The following KCNK13 variants were observed in gnomAD, a reference collection of about 807,000 sequenced individuals.
The protein encoded by KCNK13 is potassium two pore domain channel subfamily K member 13.
Under a neutral mutation model 23.4 loss-of-function variants are expected in KCNK13, and 12 were observed. The ratio of observed to expected loss-of-function variants is 0.51; its 90% confidence interval spans 0.33 to 0.83. The LOEUF (loss-of-function observed/expected upper bound fraction) is 0.83, where lower values mean the gene tolerates loss of function less well. Among genes scored for constraint, KCNK13 ranks in the 40% least tolerant of loss-of-function variants. The pLI is 0.02. For synonymous variants in KCNK13, 231 were observed against 229.5 expected (o/e 1.01, Z -0.06); for missense variants, 463 against 556.3 (o/e 0.83, Z 1.69).
In KCNK13 at chr14:90,150,058, A is replaced by G. The variant is rs140999030; in HGVS notation, c.335-34053A>G. ...GTGTGTACATGTTGCTCACATAAAG[A>G]TACATAAGCGCTCAGAAGAGGGACC... On this transcript the variant is annotated intron_variant, in intron 1 of 1. Transcript: ENST00000282146. Among the ~76,000 whole-genome samples the G allele has an allele frequency of 6.3e-4, 96 of 152,242 alleles. 1 individual carries two copies. Among genetic ancestry groups the G allele is most frequent in the African/African-American group, 2.1e-3 (86 of 41,546 alleles).
chr14:90,085,795 T>TAG (rs1566948863), intron 1 of KCNK13, among the ~76,000 whole-genome samples: 2 of 121,160 alleles, frequency 1.7e-5, no homozygotes, highest in Non-Finnish European at 3.3e-5. Flanking sequence ...ATTATATACT[T>TAG]TATATTATAT....
chr14:90,122,904 T>C (rs1325827544), intron 1 of KCNK13, among the ~76,000 whole-genome samples: 1 of 152,190 alleles, frequency 6.6e-6, no homozygotes, highest in African/African-American at 2.4e-5. Flanking sequence ...TGGGTAGATT[T>C]CCCAGCACGG....
chr14:90,092,391 G>A (rs573070291), intron 1 of KCNK13, among the ~76,000 whole-genome samples: 1 of 152,316 alleles, frequency 6.6e-6, no homozygotes, highest in South Asian at 2.1e-4. Context: ...TCCATGAAAA[G>A]AGGAGAGGCT....
chr14:90,153,678 C>A (rs1819976905), intron 1 of KCNK13, among the ~76,000 whole-genome samples: 1 of 152,086 alleles, frequency 6.6e-6, no homozygotes, highest in Non-Finnish European at 1.5e-5. Flanking sequence ...TATGGAAAGC[C>A]CTTGATCTAA....
At chr14:90,130,357 G>A (rs1034764134) in intron 1 of KCNK13, among the ~76,000 whole-genome samples, 8 of 151,516 alleles carry the variant, frequency 5.3e-5, no homozygotes, top group Non-Finnish European at 8.8e-5. Flanking sequence ...GCACCACCAC[G>A]CCCGGCTAAT....
chr14:90,151,781 C>A (rs1890136421), intron 1 of KCNK13, among the ~76,000 whole-genome samples: 2 of 152,112 alleles, frequency 1.3e-5, no homozygotes, highest in Admixed American at 6.5e-5. Flanking sequence ...AAGTCTTCAA[C>A]CCATTTTGAG....
intron 1 of KCNK13, among the ~76,000 whole-genome samples, chr14:90,129,384 G>C (rs2140421733): frequency 6.6e-6 from 1 of 152,254 alleles, no homozygotes; most frequent in African/African-American, 2.4e-5. Context: ...ACAAGTGTGA[G>C]GTGGCATCAG....
chr14:90,145,900 T>G (rs1890067684), intron 1 of KCNK13, among the ~76,000 whole-genome samples: 1 of 150,162 alleles, frequency 6.7e-6, no homozygotes, highest in South Asian at 2.1e-4. Flanking sequence ...ACTGGGGGGG[T>G]GGGGAGGTGC....
intron 1 of KCNK13, among the ~76,000 whole-genome samples, chr14:90,128,153 G>A (rs542286711): frequency 7.2e-5 from 11 of 152,274 alleles, no homozygotes; most frequent in Admixed American, 1.3e-4. Flanking sequence ...TGTGTATCTC[G>A]TCTTTAACAC....
rs148906210 is a variant in KCNK13, at chr14:90,097,146, A to C, written c.334+34607A>C. Among the ~76,000 whole-genome samples, 419 of 152,256 alleles carry C rather than the reference A, an allele frequency of 2.8e-3. 3 individuals are homozygous for C. Among genetic ancestry groups the C allele is most frequent in the African/African-American group, 9.7e-3 (402 of 41,530 alleles). ...TATACACCCAGAAATGCCTCTGCCCAATAGAACCAGCTATCTTAGTTCATC... is the reference window on the plus strand; with the variant it reads ...TATACACCCAGAAATGCCTCTGCCCCATAGAACCAGCTATCTTAGTTCATC... On this transcript the variant is annotated intron_variant, in intron 1 of 1. Coordinates refer to ENST00000282146, the MANE Select transcript of KCNK13 (RefSeq NM_022054.4).
intron 1 of KCNK13, among the ~76,000 whole-genome samples, chr14:90,163,586 A>G (rs1890272910): frequency 6.6e-6 from 1 of 152,204 alleles, no homozygotes; most frequent in Admixed American, 6.5e-5. Context: ...ACTGACACAA[A>G]GCACATCAGG....
At chr14:90,068,029 C>T (rs552051267) in intron 1 of KCNK13, among the ~76,000 whole-genome samples, 2 of 152,224 alleles carry the variant, frequency 1.3e-5, no homozygotes, top group South Asian at 4.1e-4. Flanking sequence ...CTCTGTGTTG[C>T]CCCAGCGCTT....
chr14:90,161,781 A>G (rs1030526082), intron 1 of KCNK13, among the ~76,000 whole-genome samples: 6 of 152,206 alleles, frequency 3.9e-5, no homozygotes, highest in Admixed American at 6.5e-5. Context: ...AAAGCTCATC[A>G]GGAAAATTGA....
intron 1 of KCNK13, among the ~76,000 whole-genome samples, chr14:90,090,684 C>G (rs1312428237): frequency 6.6e-6 from 1 of 152,198 alleles, no homozygotes; most frequent in East Asian, 1.9e-4. Context: ...GTAACTCTCA[C>G]AATTCCCACG....
intron 1 of KCNK13, among the ~76,000 whole-genome samples, chr14:90,125,907 C>T (rs1889794277): frequency 6.6e-6 from 1 of 151,640 alleles, no homozygotes; most frequent in African/African-American, 2.4e-5. Context: ...ACCTATAGTC[C>T]CAGCTACTCA....
intron 1 of KCNK13, chr14:90,177,445 T>C (rs1233442400): frequency 6.6e-6 from 1 of 152,236 alleles, no homozygotes; most frequent in African/African-American, 2.4e-5. Context: ...TTTCTATGTA[T>C]GTCCGTGGCA....
At chr14:90,068,707 C>A (rs1052024446) in intron 1 of KCNK13, among the ~76,000 whole-genome samples, 9 of 152,196 alleles carry the variant, frequency 5.9e-5, no homozygotes, top group African/African-American at 2.2e-4. Flanking sequence ...TGGGCACATT[C>A]AAGTTTGAGA....
At position 90,082,390 on chromosome 14, in the gene KCNK13, G is replaced by A. The variant is rs1889224532; in HGVS notation, c.334+19851G>A. On this transcript the variant is annotated intron_variant, in intron 1 of 1. Coordinates refer to ENST00000282146, the MANE Select transcript of KCNK13 (RefSeq NM_022054.4). ...TCCTCTTTTCTTTATTAATTATCTG[G>A]TCTCAGGTATTGTGTTACCTGAGCA... 4.6e-5 allele frequency among the ~76,000 whole-genome samples: 7 copies of A among 151,902 alleles called. No homozygotes were observed. In the South Asian group the frequency reaches 1.5e-3, roughly 32 times the overall value.
At chr14:90,092,207 C>T (rs187217765) in intron 1 of KCNK13, among the ~76,000 whole-genome samples, 56 of 152,284 alleles carry the variant, frequency 3.7e-4, no homozygotes, top group African/African-American at 1.3e-3. Flanking sequence ...TAGGCGTGAG[C>T]CACCGCACCC....
Sources: gnomAD v4.1 joint callset for allele counts (sites outside exome capture counted in the v4.1 genomes callset) on GRCh38, gnomAD v4.1.1 for gene constraint, MANE v1.5 for transcripts, NCBI Gene and HGNC (gene_info 2026-07-23, HGNC 2026-07-21) for gene names.